ATP13A4: variants seen among roughly 807,000 people sequenced by gnomAD.
ATP13A4 encodes ATPase 13A4.
Under a neutral mutation model 142.5 loss-of-function variants are expected in ATP13A4, and 114 were observed. The ratio of observed to expected loss-of-function variants is 0.80; its 90% CI spans 0.69 to 0.93. ATP13A4 has a LOEUF of 0.93. ATP13A4 is among the 40% of genes least tolerant of loss of function. The pLI, the probability that ATP13A4 is intolerant of heterozygous loss-of-function variation, is 0.00. For synonymous variants in ATP13A4, 488 were observed against 514.8 expected (o/e 0.95, Z 0.70); for missense variants, 1,392 against 1,454.0 (o/e 0.96, Z 0.69).
Position 193,442,511 on chromosome 3 carries a change from A to G in ATP13A4, c.2198T>C (p.Met733Thr). The change falls in exon 19 of 30, where the codon ATG becomes ACG. Residue 733 changes from methionine (M) to threonine (T), a missense_variant. Transcript: ENST00000342695. ...TAITVARKSG[M>T]VSESQKVILI... is the part of the protein sequence containing the mutation. ...AATGACTTTCTGGCTTTCAGAAACC[A>G]TTCCAGATTTTCTGGCCACTGTTAT... The G allele has an allele frequency of 6.2e-7, 1 of 1,614,074 alleles. No homozygotes were observed. Among genetic ancestry groups the G allele is most frequent in the Non-Finnish European group, 8.5e-7 (1 of 1,179,914 alleles).
rs1370676979 is a variant in ATP13A4 at position 193,402,497 on chromosome 3, T to C, written c.*155A>G. Reference sequence around the variant, plus strand: ...GGTCAATGTTCTTCTCTGTAGACAGTATTTTATCAAACAGACTTTAGTTTG... The same window carrying C: ...GGTCAATGTTCTTCTCTGTAGACAGCATTTTATCAAACAGACTTTAGTTTG... On this transcript the variant is annotated 3_prime_UTR_variant, in exon 30 of 30. Coordinates refer to ENST00000342695, the MANE Select transcript of ATP13A4 (RefSeq NM_032279.4). 1.6e-6 allele frequency: 1 copy of C among 634,600 alleles called. No homozygotes were observed. Among genetic ancestry groups the C allele is most frequent in the Non-Finnish European group, 2.8e-6 (1 of 353,952 alleles). 39.3% of individuals were successfully genotyped at this position (634,600 alleles called of 1,614,324 possible). A position where few individuals can be genotyped will look rare whatever the true frequency, so the allele number is the denominator to read the frequency against.
chr3:193,497,218 A>C (rs1720292050), intron 3 of ATP13A4, among the ~76,000 whole-genome samples: 1 of 152,210 alleles, frequency 6.6e-6, no homozygotes, highest in Non-Finnish European at 1.5e-5. Context: ...CAAAAAACTC[A>C]AGAGCAACAA....
At chr3:193,569,599 C>G (rs1285950743) in intron 2 of ATP13A4, among the ~76,000 whole-genome samples, 1 of 152,048 alleles carries the variant, frequency 6.6e-6, no homozygotes, top group East Asian at 1.9e-4. Flanking sequence ...GCAACAATAG[C>G]TCACTGCATC....
rs375602732 is a variant in ATP13A4 at position 193,417,938 on chromosome 3, C to T, written c.2843-3188G>A. ...GAGATCGAGACCATCCCGGCTAAAA[C>T]GGTGAAACCCCGTCTCTACTAAAAA... On this transcript the variant is annotated intron_variant, in intron 25 of 29. Transcript: ENST00000342695. 7.6e-4 allele frequency among the ~76,000 whole-genome samples: 110 copies of T among 145,596 alleles called. 6 individuals carry two copies. The East Asian group carries it at 0.01, about 14-fold the overall frequency.
chr3:193,438,753 C>G (rs916712134), intron 22 of ATP13A4, among the ~76,000 whole-genome samples, 169 bp from the exon 23 acceptor site: 5 of 152,172 alleles, frequency 3.3e-5, no homozygotes, highest in African/African-American at 1.2e-4. Flanking sequence ...ATTAGGATAC[C>G]TAGCCAAAGA....
intron 1 of ATP13A4, among the ~76,000 whole-genome samples, chr3:193,526,628 A>G (rs961262834): frequency 1.3e-5 from 2 of 152,208 alleles, no homozygotes; most frequent in African/African-American, 4.8e-5. Context: ...AATAACAAAG[A>G]ATTTTAAAAT....
intron 25 of ATP13A4, among the ~76,000 whole-genome samples, chr3:193,427,941 G>A (rs1009675378): frequency 6.6e-6 from 1 of 152,090 alleles, no homozygotes; most frequent in African/African-American, 2.4e-5. Context: ...TTAACAAATG[G>A]GATCTAATTA....
intron 16 of ATP13A4, among the ~76,000 whole-genome samples, chr3:193,456,689 T>C (rs1717632004): frequency 1.3e-5 from 2 of 151,966 alleles, no homozygotes; most frequent in Non-Finnish European, 2.9e-5. Flanking sequence ...GATGAAAGCA[T>C]GAGCAGGTGC....
intron 1 of ATP13A4, among the ~76,000 whole-genome samples, chr3:193,535,330 T>C (rs1722534745): frequency 6.6e-6 from 1 of 152,150 alleles, no homozygotes. Flanking sequence ...TAAGGTCATA[T>C]AACATCTTCT....
chr3:193,525,577 G>T (rs1721954559), intron 1 of ATP13A4, among the ~76,000 whole-genome samples: 1 of 152,056 alleles, frequency 6.6e-6, no homozygotes, highest in Non-Finnish European at 1.5e-5. Flanking sequence ...GCTTTCCTGG[G>T]TCCCACACCT....
At chr3:193,487,347 A>G (rs1204803315) in intron 7 of ATP13A4, among the ~76,000 whole-genome samples, 1 of 152,234 alleles carries the variant, frequency 6.6e-6, no homozygotes, top group Non-Finnish European at 1.5e-5. Flanking sequence ...AGAAATGCAA[A>G]TGGCTTAAAG....
Position 193,400,212 on chromosome 3 carries a change from C to A in ATP13A4, c.*2440G>T, listed in dbSNP as rs1176966664. On this transcript the variant is annotated 3_prime_UTR_variant, in exon 30 of 30. Coordinates refer to ENST00000342695, the MANE Select transcript of ATP13A4 (RefSeq NM_032279.4). ...CCAGGCTGGGCACTCCCTGTTCCTT[C>A]AATTACTGCTTCTAAGATGTAGTTA... Among the ~76,000 whole-genome samples the A allele has an allele frequency of 1.3e-5, 2 of 152,220 alleles. No homozygotes were observed. The highest frequency in any genetic ancestry group is 3.9e-4 in the East Asian group (2 of 5,194).
rs918351709 is a variant in ATP13A4, at chr3:193,554,867, G to C, written c.-68C>G. ...ACGCTTCCAGGATGAACTCCAACTC[G>C]CCGAGCCACCGCAGCTCCTCAGCTG... On this transcript the variant is annotated 5_prime_UTR_variant, in exon 1 of 30. Transcript: ENST00000342695. The C allele has an allele frequency of 6.2e-7, 1 of 1,612,858 alleles. No individual in the cohort carries two copies. Among genetic ancestry groups the C allele is most frequent in the Non-Finnish European group, 8.5e-7 (1 of 1,179,892 alleles).
At chr3:193,489,015 G>A (rs139976188) in intron 7 of ATP13A4, among the ~76,000 whole-genome samples, 345 of 152,320 alleles carry the variant, frequency 2.3e-3, no homozygotes, top group African/African-American at 8.0e-3. Flanking sequence ...AAAGTGGGGA[G>A]TTGGGCAATT....
Position 193,442,452 on chromosome 3 carries a change from A to G in ATP13A4, c.2257T>C (p.Ser753Pro). The part of the protein sequence containing the change: ...IEANETTGSS[S>P]ASISWTLVEE... ...ACTAACGTCCAAGATATAGATGCTG[A>G]TGAGGACCCGGTGGTTTCATTTGCC... The change falls in exon 19 of 30, where the codon TCA becomes CCA. Residue 753 changes from serine to proline, a missense_variant. Physicochemically the swap from Ser to Pro is moderately conservative, Grantham distance 74. Transcript: ENST00000342695. 1 of 1,614,120 alleles carries G rather than the reference A, an allele frequency of 6.2e-7. No homozygotes were observed. The highest frequency in any genetic ancestry group is 8.5e-7 in the Non-Finnish European group (1 of 1,179,954).
intron 2 of ATP13A4, among the ~76,000 whole-genome samples, chr3:193,564,428 T>C (rs1724088842): frequency 6.6e-6 from 1 of 152,208 alleles, no homozygotes; most frequent in Admixed American, 6.5e-5. Context: ...GAAGTACAGG[T>C]TGGTCATCAT....
At position 193,454,147 on chromosome 3, in the gene ATP13A4, C is replaced by T; in HGVS notation, c.1981G>A (p.Ala661Thr). ...TGGTCATTTTCCAGCTTCTTGTAGG[C>T]CAGTGCTATGACTCGGAAGCCCTGT... ...TTQGFRVIALAYKKLENDHHA... is the reference protein window; with the variant it reads ...TTQGFRVIALTYKKLENDHHA... The change falls in exon 17 of 30, where the codon GCC (alanine) becomes ACC (threonine). Residue 661 changes from alanine to threonine, a missense_variant. Transcript: ENST00000342695. The T allele has an allele frequency of 1.2e-6, 2 of 1,614,120 alleles. No individual in the cohort carries two copies. Among genetic ancestry groups the T allele is most frequent in the South Asian group, 2.2e-5 (2 of 91,084 alleles).
intron 18 of ATP13A4, among the ~76,000 whole-genome samples, chr3:193,444,226 A>G (rs931026514): frequency 2.6e-5 from 4 of 152,208 alleles, no homozygotes; most frequent in African/African-American, 9.6e-5. Flanking sequence ...TCAAATTATC[A>G]CAGATTTCCA....
chr3:193,460,417 T>G (rs1717883638), intron 13 of ATP13A4, among the ~76,000 whole-genome samples: 1 of 152,244 alleles, frequency 6.6e-6, no homozygotes, highest in South Asian at 2.1e-4. Flanking sequence ...ATCTCAGTGT[T>G]AACTCACAAT....
Sources: gnomAD v4.1 joint callset for allele counts (sites outside exome capture counted in the v4.1 genomes callset) on GRCh38, gnomAD v4.1.1 for gene constraint, MANE v1.5 for transcripts, NCBI Gene and HGNC (gene_info 2026-07-23, HGNC 2026-07-21) for gene names.